The following SGSH variants were observed in gnomAD, a reference collection of about 807,000 sequenced individuals.
SGSH encodes the protein N-sulfoglucosamine sulfohydrolase.
Under a neutral mutation model 51.0 loss-of-function variants are expected in SGSH, and 48 were observed. The ratio of observed to expected loss-of-function variants is 0.94; its 90% CI spans 0.75 to 1.20. The LOEUF is 1.20. Among genes scored for constraint, SGSH ranks in the 50% most tolerant of loss-of-function variants. SGSH has a pLI of 0.00. For synonymous variants in SGSH, 321 were observed against 313.4 expected, an observed-to-expected ratio of 1.02 and a Z score of -0.26; for missense variants, 662 against 717.8, an observed-to-expected ratio of 0.92 and a Z score of 0.89.
chr17:80,216,724 C>T, intron 2 of SGSH: 1 of 447,330 alleles, frequency 2.2e-6, no homozygotes, highest in Non-Finnish European at 4.1e-6. Flanking sequence ...AAAGCATTAG[C>T]CCCGCCAATC....
chr17:80,215,298 C>A (rs755229603), intron 2 of SGSH, among the ~76,000 whole-genome samples, 160 bp from the exon 3 acceptor site: 1 of 152,244 alleles, frequency 6.6e-6, no homozygotes, highest in Non-Finnish European at 1.5e-5. Context: ...ACCTCCCACT[C>A]CCTGCCCGAT....
At chr17:80,208,399 G>C (rs2041474017), downstream of SGSH, 2 of 1,456,422 alleles carry the variant, frequency 1.4e-6, no homozygotes, top group Middle Eastern at 3.8e-4. Context: ...TGTTAATGCA[G>C]TCCTGTTCCT....
chr17:80,205,602 G>A (rs548495951), downstream of SGSH: 50 of 1,568,974 alleles, frequency 3.2e-5, no homozygotes, highest in East Asian at 7.0e-5. Flanking sequence ...AGAGGTGTCC[G>A]GGGGCCGCTG....
chr17:80,201,728 C>G, downstream of SGSH: 1 of 1,613,880 alleles, frequency 6.2e-7, no homozygotes, highest in Non-Finnish European at 8.5e-7. This position sits in a 1 kb window ranked among gnomAD's most constrained non-coding sequence, Gnocchi z 5.0. Context: ...GACTGACCTT[C>G]TCGACTTGCC....
chr17:80,207,827 GC>G (rs2144628358), downstream of SGSH: 1 of 313,532 alleles, frequency 3.2e-6, no homozygotes, highest in African/African-American at 2.1e-5. Context: ...ACTTACTGGT[GC>G]TTGGCTAGCA....
downstream of SGSH, chr17:80,204,825 C>A: frequency 1.9e-6 from 1 of 519,884 alleles, no homozygotes; most frequent in Non-Finnish European, 3.4e-6. Flanking sequence ...TGGAGAGCCA[C>A]AGAGCTGTGT....
intron 1 of SGSH, among the ~76,000 whole-genome samples, chr17:80,218,134 G>T (rs1290370873): frequency 1.3e-5 from 2 of 152,242 alleles, no homozygotes; most frequent in African/African-American, 4.8e-5. Context: ...TGAGCGCATG[G>T]CCACAGAACT....
rs1046551417 is a variant in SGSH at position 80,212,203 on chromosome 17, C to A, written c.817G>T (p.Asp273Tyr). 1 of 1,613,412 alleles carries A rather than the reference C, an allele frequency of 6.2e-7. No individual in the cohort carries two copies. Among genetic ancestry groups the A allele is most frequent in the Admixed American group, 1.7e-5 (1 of 60,006 alleles). The part of the protein sequence containing the change: ...LNDTLVIFTS[D>Y]NGIPFPSGRT... ...CCGCTGGGGAAGGGGATCCCGTTGT[C>A]GGACGTGAAGATCACCAGTGTGTCG... is the stretch of plus-strand genomic sequence containing the variant. Residue 273 changes from aspartate (D) to tyrosine (Y), a missense_variant, in exon 7 of 8, where the codon GAC becomes TAC. Asp to Tyr is a radical substitution (Grantham distance 160). Coordinates refer to ENST00000326317, the MANE Select transcript of SGSH (RefSeq NM_000199.5). The surrounding 1 kb of genome is among the most constrained non-coding windows in gnomAD (Gnocchi z 5.9).
chr17:80,204,916 G>C, downstream of SGSH: 1 of 844,294 alleles, frequency 1.2e-6, no homozygotes, highest in Non-Finnish European at 1.8e-6. Context: ...TGTGCCCCTG[G>C]AATTCTAGGT....
At chr17:80,204,527 G>T (rs928703088), downstream of SGSH, 1 of 537,076 alleles carries the variant, frequency 1.9e-6, no homozygotes. Flanking sequence ...GGGAGGCTGA[G>T]GCAGGAGAAT....
rs1450592395 is a variant in SGSH at position 80,210,847 on chromosome 17, T to C, written c.1114A>G (p.Met372Val). 6.2e-7 allele frequency: 1 copy of C among 1,613,796 alleles called. No homozygotes were observed. Among genetic ancestry groups the C allele is most frequent in the East Asian group, 2.2e-5 (1 of 44,874 alleles). Reference sequence around the variant, plus strand: ...TGCACGGAGCGCATGGGGTAGGACATGGTGACCTCGTGGTGGCTCTGGCTG... The same window carrying C: ...TGCACGGAGCGCATGGGGTAGGACACGGTGACCTCGTGGTGGCTCTGGCTG... ...FGSQSHHEVT[M>V]SYPMRSVQHR... The change falls in exon 8 of 8, where the codon ATG becomes GTG. Residue 372 changes from methionine (M) to valine (V), a missense_variant. Physicochemically the swap from Met to Val is conservative, Grantham distance 21 (BLOSUM62 1). Transcript: ENST00000326317.
chr17:80,211,661 GC>G (rs2041671708), intron 7 of SGSH: 1 of 336,730 alleles, frequency 3.0e-6, no homozygotes, highest in Non-Finnish European at 5.8e-6. Flanking sequence ...GGGTCCCCAG[GC>G]CCACAGTATC....
In SGSH at chr17:80,214,197, TGG is replaced by T; in HGVS notation, c.636_637del (p.Gln213GlyfsTer46). 1 of 1,611,676 alleles carries T rather than the reference TGG, an allele frequency of 6.2e-7. No homozygotes were observed. The highest frequency in any genetic ancestry group is 8.5e-7 in the Non-Finnish European group (1 of 1,179,600). The stretch of plus-strand genomic sequence containing the variant: ...CAGCACGTCCAGTGGGTCGTAGGCC[TGG>T]GGGGTCCAGTCTGGGATACGACCCA... On this transcript the variant is annotated frameshift_variant, in exon 5 of 8. Coordinates refer to ENST00000326317, the MANE Select transcript of SGSH (RefSeq NM_000199.5). LOFTEE classifies it high-confidence loss of function.
At chr17:80,202,574 A>G (rs1192185251), downstream of SGSH, 1 of 1,438,008 alleles carries the variant, frequency 7.0e-7, no homozygotes, top group African/African-American at 1.4e-5. Flanking sequence ...ACTGCTGAAG[A>G]TGTTGTTTCT....
rs766272590 is a variant in SGSH, at chr17:80,210,597, G to A, written c.1364C>T (p.Pro455Leu). The change falls in exon 8 of 8, where the codon CCG becomes CTG. Residue 455 changes from proline (P) to leucine (L), a missense_variant. Pro to Leu is a moderately conservative substitution (Grantham distance 98, BLOSUM62 -3). Transcript: ENST00000326317. ...PHETQNLATD[P>L]RFAQLLEMLR... Reference sequence around the variant, plus strand: ...CATCTCCAGAAGCTGAGCAAAGCGCGGGTCGGTGGCCAGGTTCTGGGTCTC... The same window carrying A: ...CATCTCCAGAAGCTGAGCAAAGCGCAGGTCGGTGGCCAGGTTCTGGGTCTC... The A allele has an allele frequency of 1.1e-5, 17 of 1,613,416 alleles. No individual in the cohort carries two copies. The African/African-American group carries it at 1.3e-4, about 13-fold the overall frequency.
downstream of SGSH, chr17:80,204,640 T>A (rs112508655): frequency 1.3e-3 from 472 of 352,316 alleles, 4 homozygotes; most frequent in African/African-American, 8.6e-3. Context: ...AAAAAAAAAA[T>A]TTCAGGAGAG....
Position 80,220,294 on chromosome 17 carries a change from G to A in SGSH, c.20C>T (p.Ala7Val). The A allele has an allele frequency of 6.6e-7, 1 of 1,518,170 alleles. No individual in the cohort carries two copies. Among genetic ancestry groups the A allele is most frequent in the African/African-American group, 1.4e-5 (1 of 70,860 alleles). The allele number at this position is 1,518,170 out of a possible 1,614,324, so 94.0% of individuals were successfully genotyped here. ...CAGGACTAGCAGCAGCGCGCAGCAGGCGGGCACGGGGCAGCTCATGGCGGC... is the reference window on the plus strand; with the variant it reads ...CAGGACTAGCAGCAGCGCGCAGCAGACGGGCACGGGGCAGCTCATGGCGGC... MSCPVP[A>V]CCALLLVLGL... The change falls in exon 1 of 8, where the codon GCC becomes GTC. Residue 7 changes from alanine to valine, a missense_variant. Physicochemically the swap from Ala to Val is moderately conservative, Grantham distance 64. Transcript: ENST00000326317.
chr17:80,206,792 AAAAG>A (rs2144602494), downstream of SGSH: 2 of 417,542 alleles, frequency 4.8e-6, no homozygotes, highest in Non-Finnish European at 8.5e-6. Context: ...AAAAATAAAA[AAAAG>A]AGAGAAGAAA....
downstream of SGSH, chr17:80,209,221 G>T: frequency 1.3e-6 from 1 of 757,466 alleles, no homozygotes; most frequent in Non-Finnish European, 1.6e-6. Flanking sequence ...CATTTTGACA[G>T]CAGTGTCCAA....
Sources: allele counts gnomAD v4.1 joint callset (sites outside exome capture counted in the v4.1 genomes callset), GRCh38; gene constraint gnomAD v4.1.1; non-coding constraint Gnocchi (gnomAD v3.1); transcripts MANE v1.5; gene names NCBI Gene and HGNC (gene_info 2026-07-23, HGNC 2026-07-21).